Variants in TTN observed in about 807,000 individuals in gnomAD.
TTN encodes the protein titin.
A neutral mutation model predicts 3,223.0 loss-of-function variants in TTN; 1,525 were observed. The ratio of observed to expected loss-of-function variants is 0.47; its 90% CI spans 0.45 to 0.49. The LOEUF (loss-of-function observed/expected upper bound fraction) is 0.49. Among genes scored for constraint, TTN ranks in the 20% least tolerant of loss-of-function variants. TTN has a pLI of 0.00. For missense variants in TTN, 40,786 were observed against 43,424.0 expected, an observed-to-expected ratio of 0.94 and a Z score of 5.40; for synonymous variants, 14,094 against 15,161.0, an observed-to-expected ratio of 0.93 and a Z score of 5.17.
rs11904444 is a variant in TTN, at chr2:178,578,951, C to T, written c.68079G>A (p.Thr22693=). Residue 22693 remains threonine (T), a synonymous_variant, in exon 320 of 363, where the codon ACG becomes ACA. Coordinates refer to ENST00000589042, the MANE Select transcript of TTN (RefSeq NM_001267550.2). ...KRDSVNNKWV[T]CASAVQKTTF... is the part of the protein sequence containing the mutation. ...TGGTTTTCTGGACAGCTGAGGCGCA[C>T]GTCACCCACTTGTTGTTCACAGAAT... 9.5e-4 allele frequency: 1,528 copies of T among 1,613,192 alleles called. 7 individuals carry two copies. The African/African-American group carries it at 0.016, about 17-fold the overall frequency.
chr2:178,649,708 T>C (rs2062612827), intron 211 of TTN, 77 bp from the exon 212 acceptor site: 2 of 1,537,484 alleles, frequency 1.3e-6, no homozygotes, highest in Non-Finnish European at 1.8e-6. Flanking sequence ...TTCAACACTG[T>C]AACATATAGG....
rs760530855 is a variant in TTN, at chr2:178,614,103, C to T, written c.49294G>A (p.Gly16432Ser). The T allele has an allele frequency of 3.7e-6, 6 of 1,612,406 alleles. No individual in the cohort carries two copies. Among genetic ancestry groups the T allele is most frequent in the Non-Finnish European group, 5.1e-6 (6 of 1,179,220 alleles). The change falls in exon 262 of 363, where the codon GGT becomes AGT. Residue 16432 changes from glycine (G) to serine (S), a missense_variant. Gly to Ser is a moderately conservative substitution (Grantham distance 56, BLOSUM62 0). Coordinates refer to ENST00000589042, the MANE Select transcript of TTN (RefSeq NM_001267550.2). ...IFRVAAENMY[G>S]VGEPVQASPI... The stretch of plus-strand genomic sequence containing the variant: ...GAGGCCTGAACTGGTTCACCAACAC[C>T]ATACATGTTTTCTGCAGCAACTCTG...
intron 216 of TTN, 80 bp downstream of exon 216, chr2:178,646,405 A>ATATGTAG: frequency 5.3e-6 from 5 of 944,632 alleles, no homozygotes; most frequent in Non-Finnish European, 6.5e-6. Flanking sequence ...GACATACTAC[A>ATATGTAG]TATGTACAAC....
In TTN at chr2:178,777,984, C is replaced by A. The variant is rs1356088079; in HGVS notation, c.4209-9G>T. 1.6e-5 allele frequency: 25 copies of A among 1,612,636 alleles called. No homozygotes were observed. The Admixed American group carries it at 4.2e-4, about 27-fold the overall frequency. On this transcript the variant is annotated splice_polypyrimidine_tract_variant and intron_variant, in intron 24 of 362. Transcript: ENST00000589042. ...AACGTGGAGAGAGAGATCTGCAAAA[C>A]AAAGACACACAATACTTTCGTGAGG...
intron 282 of TTN, among the ~76,000 whole-genome samples, chr2:178,603,340 A>C (rs965890762): frequency 1.3e-5 from 2 of 151,952 alleles, no homozygotes; most frequent in African/African-American, 2.4e-5. Context: ...ATGAATTATT[A>C]TGGCCACAGT....
chr2:178,677,783 C>G lies in TTN; in HGVS notation c.34129G>C (p.Val11377Leu). The change falls in exon 146 of 363, where the codon GTT (valine) becomes CTT (leucine). Residue 11377 changes from valine (V) to leucine (L), a missense_variant. Coordinates refer to ENST00000589042, the MANE Select transcript of TTN (RefSeq NM_001267550.2). ...AGAACTTCCTCTTCTTCAGGTAGAA[C>G]TTCCTCTTCCTCAGGTAGAACTTCC... ...EEEVLPEEEE[V>L]LPEEEEVLPE... The G allele has an allele frequency of 1.2e-6, 2 of 1,612,704 alleles. No individual in the cohort carries two copies. The highest frequency in any genetic ancestry group is 1.7e-6 in the Non-Finnish European group (2 of 1,179,110).
intron 223 of TTN, among the ~76,000 whole-genome samples, chr2:178,639,390 G>GTC (rs1222400959): frequency 6.6e-6 from 1 of 151,930 alleles, no homozygotes; most frequent in African/African-American, 2.4e-5. Flanking sequence ...CCCTTACAGG[G>GTC]TCTCTGCCTG....
chr2:178,584,617 A>G, intron 310 of TTN, 39 bp from the exon 311 acceptor site: 3 of 1,610,416 alleles, frequency 1.9e-6, no homozygotes, highest in South Asian at 1.1e-5. Context: ...TTTCTACATT[A>G]AGTAACAAAC....
rs774557269 is a variant in TTN at position 178,651,744 on chromosome 2, C to T, written c.39385G>A (p.Val13129Ile). 4.8e-5 allele frequency: 78 copies of T among 1,612,646 alleles called. No individual in the cohort carries two copies. The Middle Eastern group carries it at 6.6e-4, about 14-fold the overall frequency. ...TCTGGGACAGGTTTCTTAGGTGGTA[C>T]GGTCACTAAAGAATTAGAAGGTATG... ...PEPAAPPQVT[V>I]PPKKPVPEKK... is the part of the protein sequence containing the mutation. The change falls in exon 206 of 363, where the codon GTA becomes ATA. Residue 13129 changes from valine to isoleucine, a missense_variant. Physicochemically the swap from Val to Ile is conservative, Grantham distance 29. Coordinates refer to ENST00000589042, the MANE Select transcript of TTN (RefSeq NM_001267550.2).
At chr2:178,547,364 T>G in intron 339 of TTN, 43 bp downstream of exon 339, 1 of 1,575,000 alleles carries the variant, frequency 6.3e-7, no homozygotes, top group Non-Finnish European at 8.6e-7. Flanking sequence ...AGGGGAAACA[T>G]TTAATAATAG....
chr2:178,806,291 T>C (rs2094316387), intron 1 of TTN, among the ~76,000 whole-genome samples: 1 of 152,218 alleles, frequency 6.6e-6, no homozygotes, highest in Non-Finnish European at 1.5e-5. Flanking sequence ...AGTTAGTATA[T>C]CTAAAAATAG....
At position 178,552,633 on chromosome 2, in the gene TTN, C is replaced by A; in HGVS notation, c.90267G>T (p.Glu30089Asp). ...CTGACTGCTCCTTAAGTTGGCTAAC[C>A]TCAATTTCACATGTCTTACTTATGC... ...HAGISKTCEIEVSQLKEQSVL... is the reference protein window; with the variant it reads ...HAGISKTCEIDVSQLKEQSVL... Residue 30089 changes from glutamate to aspartate, a missense_variant, in exon 335 of 363, where the codon GAG becomes GAT. Coordinates refer to ENST00000589042, the MANE Select transcript of TTN (RefSeq NM_001267550.2). 1 of 1,613,902 alleles carries A rather than the reference C, an allele frequency of 6.2e-7. No homozygotes were observed.
rs2154211008 is a variant in TTN at position 178,620,407 on chromosome 2, T to C, written c.46114A>G (p.Ile15372Val). The C allele has an allele frequency of 6.2e-7, 1 of 1,612,270 alleles. No homozygotes were observed. Among genetic ancestry groups the C allele is most frequent in the Non-Finnish European group, 8.5e-7 (1 of 1,178,914 alleles). The stretch of plus-strand genomic sequence containing the variant: ...GATTTATCTTGTCCAGCAGTGACAA[T>C]GTATTCACCTTCATCTGGGAAGCCA... ...DCGFPDEGEY[I>V]VTAGQDKSVA... is the part of the protein sequence containing the mutation. Residue 15372 changes from isoleucine (I) to valine (V), a missense_variant, in exon 248 of 363, where the codon ATT (isoleucine) becomes GTT (valine). By Grantham distance (29) the Ile-to-Val change is conservative. Transcript: ENST00000589042.
At chr2:178,668,335 A>C (rs2252353) in intron 159 of TTN, among the ~76,000 whole-genome samples, 3,262 of 152,298 alleles carry the variant, frequency 0.021, 67 homozygotes, top group East Asian at 0.095. Context: ...AATAGAAAGG[A>C]TATTCAAAGG....
rs898433512 is a variant in TTN, at chr2:178,565,590, C to G, written c.80542G>C (p.Glu26848Gln). ...TAAGCCTTGACACGGAACTGATATT[C>G]TTGTCCAGAACTCAAACCAGTAACA... is the stretch of plus-strand genomic sequence containing the variant. ...AVVTGLSSGQ[E>Q]YQFRVKAYNE... Residue 26848 changes from glutamate (E) to glutamine (Q), a missense_variant, in exon 326 of 363, where the codon GAA becomes CAA. Physicochemically the swap from Glu to Gln is conservative, Grantham distance 29. Transcript: ENST00000589042. 1.2e-6 allele frequency: 2 copies of G among 1,613,506 alleles called. No individual in the cohort carries two copies. Among genetic ancestry groups the G allele is most frequent in the African/African-American group, 2.7e-5 (2 of 74,900 alleles).
In TTN at chr2:178,720,460, C is replaced by A; in HGVS notation, c.23302G>T (p.Asp7768Tyr). The A allele has an allele frequency of 6.2e-7, 1 of 1,613,640 alleles. No individual in the cohort carries two copies. Among genetic ancestry groups the A allele is most frequent in the Non-Finnish European group, 8.5e-7 (1 of 1,179,666 alleles). Residue 7768 changes from aspartate (D) to tyrosine (Y), a missense_variant, in exon 80 of 363, where the codon GAT becomes TAT. Asp to Tyr is a radical substitution (Grantham distance 160). Transcript: ENST00000589042. ...SLHILNLEAS[D>Y]VGEYHCKATN... ...GCTTTGCAGTGATATTCCCCGACAT[C>A]GGAGGCTTCAAGATTAAGGATATGA... is the stretch of plus-strand genomic sequence containing the variant.
Position 178,576,276 on chromosome 2 carries a change from C to T in TTN, c.69856G>A (p.Ala23286Thr), listed in dbSNP as rs1710048909. The T allele has an allele frequency of 1.9e-6, 3 of 1,605,286 alleles. No individual in the cohort carries two copies. The highest frequency in any genetic ancestry group is 2.6e-6 in the Non-Finnish European group (3 of 1,176,356). Reference protein sequence around the residue: ...VVEHQKVGDEAWIKDTTGTAL... With the variant: ...VVEHQKVGDETWIKDTTGTAL... Reference sequence around the variant, plus strand: ...GTTCCTGTGGTATCTTTTATCCAGGCCTCGTCTCCTACTTTTTGATGCTCC... The same window carrying T: ...GTTCCTGTGGTATCTTTTATCCAGGTCTCGTCTCCTACTTTTTGATGCTCC... The change falls in exon 326 of 363, where the codon GCC (alanine) becomes ACC (threonine). Residue 23286 changes from alanine to threonine, a missense_variant. Physicochemically the swap from Ala to Thr is moderately conservative, Grantham distance 58. Coordinates refer to ENST00000589042, the MANE Select transcript of TTN (RefSeq NM_001267550.2). The surrounding 1 kb of genome is among the most constrained non-coding windows in gnomAD (Gnocchi z 4.3).
chr2:178,768,711 G>T lies in TTN; in HGVS notation c.9125C>A (p.Ala3042Asp). ...FGDAADYTFV[A>D]GKATSTATLY... ...TGTGGCTGTTGATGTTGCTTTTCCAGCCACAAAGGTGTAGTCAGCAGCATC... is the reference window on the plus strand; with the variant it reads ...TGTGGCTGTTGATGTTGCTTTTCCATCCACAAAGGTGTAGTCAGCAGCATC... Residue 3042 changes from alanine to aspartate, a missense_variant, in exon 38 of 363, where the codon GCT becomes GAT. Physicochemically the swap from Ala to Asp is moderately radical, Grantham distance 126. Coordinates refer to ENST00000589042, the MANE Select transcript of TTN (RefSeq NM_001267550.2). 6.2e-7 allele frequency: 1 copy of T among 1,614,006 alleles called. No individual in the cohort carries two copies. Among genetic ancestry groups the T allele is most frequent in the South Asian group, 1.1e-5 (1 of 91,064 alleles).
Position 178,681,139 on chromosome 2 carries a change from T to A in TTN, c.33280A>T (p.Lys11094Ter). The A allele has an allele frequency of 6.2e-7, 1 of 1,603,744 alleles. No individual in the cohort carries two copies. The highest frequency in any genetic ancestry group is 8.5e-7 in the Non-Finnish European group (1 of 1,176,882). ...PEEPKKVFEE[K>*]IRISITKREK... is the part of the protein sequence containing the mutation. ...CGTTTGGTAATTGAAATACGTATTTTTTCCTCAAAAACTTTCTTTGGTTCT... is the reference window on the plus strand; with the variant it reads ...CGTTTGGTAATTGAAATACGTATTTATTCCTCAAAAACTTTCTTTGGTTCT... The change falls in exon 138 of 363, where the codon AAA becomes TAA. Residue 11094 changes from lysine to a stop codon, truncating the protein, a stop_gained. Coordinates refer to ENST00000589042, the MANE Select transcript of TTN (RefSeq NM_001267550.2). LOFTEE classifies it high-confidence loss of function.
Sources: gnomAD v4.1 joint callset for allele counts (sites outside exome capture counted in the v4.1 genomes callset) on GRCh38, gnomAD v4.1.1 for gene constraint, Gnocchi (gnomAD v3.1) non-coding constraint, MANE v1.5 for transcripts, NCBI Gene and HGNC (gene_info 2026-07-23, HGNC 2026-07-21) for gene names.